The following KSR2 variants were observed in gnomAD, a reference collection of about 807,000 sequenced individuals.
KSR2 encodes the protein kinase suppressor of ras 2.
In KSR2, 25 loss-of-function variants were observed where a neutral mutation model predicts 107.8. The observed-to-expected ratio is 0.23, with a 90% CI of 0.17 to 0.32. The LOEUF (loss-of-function observed/expected upper bound fraction) is 0.32, where lower values mean the gene tolerates loss of function less well. Ranked by LOEUF, KSR2 falls within the 10% of genes least tolerant of loss-of-function variation. KSR2 has a pLI of 1.00. For synonymous variants in KSR2, 480 were observed against 507.0 expected (o/e 0.95, Z 0.71); for missense variants, 887 against 1,268.9 (o/e 0.70, Z 4.57).
At chr12:117,730,273 T>C (rs1171273915) in intron 4 of KSR2, among the ~76,000 whole-genome samples, 1 of 152,164 alleles carries the variant, frequency 6.6e-6, no homozygotes, top group Non-Finnish European at 1.5e-5. Flanking sequence ...CATACCTCAG[T>C]TTCATTCACT....
chr12:117,849,418 G>T (rs1443130198), intron 3 of KSR2, among the ~76,000 whole-genome samples: 1 of 152,190 alleles, frequency 6.6e-6, no homozygotes, highest in Non-Finnish European at 1.5e-5. Flanking sequence ...TTGAATGAGT[G>T]AATAATGGTT....
At chr12:117,828,691 C>T (rs972759214) in intron 3 of KSR2, among the ~76,000 whole-genome samples, 7 of 152,168 alleles carry the variant, frequency 4.6e-5, no homozygotes, top group Non-Finnish European at 8.8e-5. Context: ...CTTGTTAATT[C>T]GGGGGCCCCT....
chr12:117,570,561 A>G (rs895024348), intron 7 of KSR2, among the ~76,000 whole-genome samples: 2 of 152,182 alleles, frequency 1.3e-5, no homozygotes, highest in Non-Finnish European at 1.5e-5. Context: ...ATGGGCTAAA[A>G]TTTTCCAGAA....
Position 117,858,524 on chromosome 12 carries a change from G to A in KSR2, c.321+1767C>T, listed in dbSNP as rs766800280. Among the ~76,000 whole-genome samples the A allele has an allele frequency of 9.2e-5, 14 of 152,192 alleles. 1 individual carries two copies. Among genetic ancestry groups the A allele is most frequent in the Admixed American group, 1.3e-4 (2 of 15,274 alleles). On this transcript the variant is annotated intron_variant, in intron 2 of 19. Coordinates refer to ENST00000339824, the MANE Select transcript of KSR2 (RefSeq NM_173598.6). ...ACTTGGGATTCTTAGATCTGGTGGG[G>A]CTGGGTGAGATTCTTGTCCCTGCGG... is the stretch of plus-strand genomic sequence containing the variant.
intron 5 of KSR2, among the ~76,000 whole-genome samples, chr12:117,622,290 T>C (rs1005173999): frequency 1.4e-4 from 21 of 152,172 alleles, no homozygotes; most frequent in Non-Finnish European, 1.2e-4. Flanking sequence ...ATTTCCTGCA[T>C]CTTATTTTAC....
chr12:117,792,587 G>C (rs1455631433), intron 3 of KSR2, among the ~76,000 whole-genome samples: 1 of 152,162 alleles, frequency 6.6e-6, no homozygotes, highest in African/African-American at 2.4e-5. Flanking sequence ...CTATTATTAG[G>C]AACCTCAGTC....
intron 4 of KSR2, among the ~76,000 whole-genome samples, chr12:117,754,312 C>G (rs1373167449): frequency 2.0e-5 from 3 of 152,082 alleles, no homozygotes; most frequent in Non-Finnish European, 4.4e-5. Context: ...CACGGGTGTG[C>G]CTGAGAGCAC....
intron 1 of KSR2, among the ~76,000 whole-genome samples, chr12:117,878,975 G>A (rs1445743793): frequency 6.6e-6 from 1 of 151,814 alleles, no homozygotes; most frequent in African/African-American, 2.4e-5. Context: ...ATCCTATCGG[G>A]GTCGTGGATA....
chr12:117,942,940 C>T (rs1434094228), intron 1 of KSR2, among the ~76,000 whole-genome samples: 3 of 152,126 alleles, frequency 2.0e-5, no homozygotes, highest in Non-Finnish European at 2.9e-5. Context: ...TTATGCTTTA[C>T]CGTATGCTGG....
At chr12:117,915,408 G>T (rs936656164) in intron 1 of KSR2, among the ~76,000 whole-genome samples, 1 of 152,202 alleles carries the variant, frequency 6.6e-6, no homozygotes, top group African/African-American at 2.4e-5. Flanking sequence ...CACATTAAGG[G>T]TTAGAATTTC....
chr12:117,832,365 A>T (rs1407745964), intron 3 of KSR2, among the ~76,000 whole-genome samples: 1 of 152,204 alleles, frequency 6.6e-6, no homozygotes, highest in Non-Finnish European at 1.5e-5. Flanking sequence ...GCTACAAGGC[A>T]ATTTATTTCA....
chr12:117,566,697 A>G (rs537965490), intron 7 of KSR2, among the ~76,000 whole-genome samples: 1 of 152,320 alleles, frequency 6.6e-6, no homozygotes, highest in East Asian at 1.9e-4. Context: ...CTGCATGCCC[A>G]CAAGAAGACA....
In KSR2 at chr12:117,476,317, T is replaced by C. The variant is rs865901244; in HGVS notation, c.2582+147A>G. 8.0e-6 allele frequency: 7 copies of C among 878,472 alleles called. No homozygotes were observed. The Middle Eastern group carries it at 1.7e-3, about 214-fold the overall frequency. 54.4% of individuals were successfully genotyped at this position (878,472 alleles called of 1,614,324 possible). A position where few individuals can be genotyped will look rare whatever the true frequency, so the allele number is the denominator to read the frequency against. On this transcript the variant is annotated intron_variant, in intron 17 of 19. Transcript: ENST00000339824. ...GGTCATTCTTTCTAGTATACCCTAC[T>C]CAGGTTCCTCCATTCTCACCCAAAA...
At chr12:117,509,489 C>G (rs747496869) in intron 14 of KSR2, among the ~76,000 whole-genome samples, 24 of 152,202 alleles carry the variant, frequency 1.6e-4, no homozygotes, top group Non-Finnish European at 2.9e-4. Flanking sequence ...GGCTGCAAGG[C>G]CAGCTGAGCC....
chr12:117,894,716 C>G (rs1332330420), intron 1 of KSR2, among the ~76,000 whole-genome samples: 1 of 122,272 alleles, frequency 8.2e-6, no homozygotes, highest in East Asian at 7.0e-4. Context: ...TCCCTCTCCC[C>G]CTTCCCGTCC....
intron 5 of KSR2, among the ~76,000 whole-genome samples, chr12:117,595,351 C>CTTTTTTT (rs71099060): frequency 1.1e-3 from 108 of 94,582 alleles, no homozygotes; most frequent in Middle Eastern, 9.4e-3. Flanking sequence ...AGATCAAATT[C>CTTTTTTT]TTTTTTTTTT....
intron 3 of KSR2, among the ~76,000 whole-genome samples, chr12:117,792,253 G>C (rs58943729): frequency 0.013 from 2,041 of 152,212 alleles, 47 homozygotes; most frequent in African/African-American, 0.047. Flanking sequence ...AGGGGGCTGA[G>C]GCAGGAGGAT....
chr12:117,963,124 A>G (rs1339818759), intron 1 of KSR2, among the ~76,000 whole-genome samples: 1 of 151,812 alleles, frequency 6.6e-6, no homozygotes, highest in Non-Finnish European at 1.5e-5. Flanking sequence ...TGGGAAGCGG[A>G]GGTTGCAATG....
In KSR2 at chr12:117,525,010, G is replaced by A. The variant is rs1463927855; in HGVS notation, c.2061C>T (p.Gly687=). 1.3e-5 allele frequency: 21 copies of A among 1,613,780 alleles called. No individual in the cohort carries two copies. The highest frequency in any genetic ancestry group is 1.6e-4 in the Middle Eastern group (1 of 6,084). ...FGQVYHGRWH[G]EVAIRLIDIE... ...TGTCAATCAGCCGGATGGCCACCTC[G>A]CCATGCCAGCGGCCGTGGTACACTT... The change falls in exon 14 of 20, where the codon GGC becomes GGT. Residue 687 remains glycine (G), a synonymous_variant. Coordinates refer to ENST00000339824, the MANE Select transcript of KSR2 (RefSeq NM_173598.6).
Sources: allele counts gnomAD v4.1 joint callset (sites outside exome capture counted in the v4.1 genomes callset), GRCh38; gene constraint gnomAD v4.1.1; transcripts MANE v1.5; gene names NCBI Gene and HGNC (gene_info 2026-07-23, HGNC 2026-07-21).